Variants in SHC2 observed in about 807,000 individuals in gnomAD.
SHC2 encodes SHC adaptor protein 2.
A neutral mutation model predicts 60.6 loss-of-function variants in SHC2; 62 were observed. The observed-to-expected ratio is 1.02, with a 90% CI of 0.83 to 1.26. The LOEUF is 1.26. SHC2 is among the 50% of genes most tolerant of loss of function. The pLI is 0.00. For synonymous variants in SHC2, 375 were observed against 372.4 expected, an observed-to-expected ratio of 1.01 and a Z score of -0.08; for missense variants, 873 against 822.2, an observed-to-expected ratio of 1.06 and a Z score of -0.76.
rs200445811 is a variant in SHC2 at position 425,250 on chromosome 19, G to C, written c.1175-19C>G. ...GGTGGAGCTGGGGAGTGTAAAGAGG[G>C]GCAGGGGGTCAGCTGGGAGCCAGGC... On this transcript the variant is annotated intron_variant, in intron 9 of 12. Transcript: ENST00000264554. The surrounding 1 kb of genome is among the most constrained non-coding windows in gnomAD (Gnocchi z 4.1). The C allele has an allele frequency of 1.2e-3, 1,586 of 1,316,242 alleles. 17 individuals are homozygous for C. In the African/African-American group the frequency reaches 0.021, roughly 17 times the overall value. 81.5% of individuals were successfully genotyped at this position (1,316,242 alleles called of 1,614,324 possible).
chr19:443,153 AATGG>A (rs1292487703), intron 1 of SHC2, among the ~76,000 whole-genome samples: 1 of 94,002 alleles, frequency 1.1e-5, no homozygotes, highest in Admixed American at 1.0e-4. Flanking sequence ...TGGGTGGATG[AATGG>A]ATGGATGGAT....
chr19:437,217 C>T (rs1395903611), intron 4 of SHC2, among the ~76,000 whole-genome samples: 1 of 151,066 alleles, frequency 6.6e-6, no homozygotes, highest in Non-Finnish European at 1.5e-5. Flanking sequence ...TTTGCGTGGT[C>T]ATCTGCGTGC....
At chr19:449,355 G>C (rs1014544748) in intron 1 of SHC2, among the ~76,000 whole-genome samples, 1 of 150,810 alleles carries the variant, frequency 6.6e-6, no homozygotes, top group African/African-American at 2.4e-5. Context: ...GCGAGATCCT[G>C]TCTCAAAAAA....
intron 1 of SHC2, among the ~76,000 whole-genome samples, chr19:449,205 C>G (rs754851302): frequency 6.6e-6 from 1 of 151,608 alleles, no homozygotes; most frequent in Non-Finnish European, 1.5e-5. Flanking sequence ...ATTAGCTGGG[C>G]GTGGTGGCAC....
intron 1 of SHC2, among the ~76,000 whole-genome samples, chr19:442,279 TGATGGATGGATGGGTAGATG>T (rs961531359): frequency 7.5e-5 from 11 of 147,180 alleles, no homozygotes; most frequent in African/African-American, 2.8e-4. Context: ...GGTGAGTGGA[TGATGGATGGATGGGTAGATG>T]GATGGACAGG....
At chr19:430,238 A>G (rs1278513433) in intron 9 of SHC2, among the ~76,000 whole-genome samples, 2 of 151,644 alleles carry the variant, frequency 1.3e-5, no homozygotes, top group African/African-American at 4.9e-5. Flanking sequence ...TGTATATCCA[A>G]CGTGCACGGA....
In SHC2 at chr19:434,612, C is replaced by A. The variant is rs534199576; in HGVS notation, c.1110+97G>T. On this transcript the variant is annotated intron_variant, in intron 8 of 12. Transcript: ENST00000264554. The stretch of plus-strand genomic sequence containing the variant: ...TGAGTGAGAGACCCTCCTCTAGGAT[C>A]GAGGAGAACAGGAGCAGAAAGAAGA... 15 of 1,032,906 alleles carry A rather than the reference C, an allele frequency of 1.5e-5. No individual in the cohort carries two copies. In the Admixed American group the frequency reaches 3.4e-4, roughly 23 times the overall value. 64.0% of individuals were successfully genotyped at this position (1,032,906 alleles called of 1,614,324 possible). A position where few individuals can be genotyped will look rare whatever the true frequency, so the allele number is the denominator to read the frequency against.
rs1190303586 is a variant in SHC2, at chr19:438,114, G to A, written c.720+604C>T. ...TTCTCCTGCCTCAGCCTCCCAAGTA[G>A]CTGGGATTACAGGCGCCCACCACCA... On this transcript the variant is annotated intron_variant, in intron 4 of 12. Coordinates refer to ENST00000264554, the MANE Select transcript of SHC2 (RefSeq NM_012435.3). This position sits in a 1 kb window ranked among gnomAD's most constrained non-coding sequence, Gnocchi z 5.0. Among the ~76,000 whole-genome samples the A allele has an allele frequency of 6.6e-6, 1 of 152,116 alleles. No homozygotes were observed. Among genetic ancestry groups the A allele is most frequent in the Non-Finnish European group, 1.5e-5 (1 of 68,024 alleles).
chr19:457,127 A>G (rs112244019), intron 1 of SHC2, among the ~76,000 whole-genome samples: 1 of 82,566 alleles, frequency 1.2e-5, no homozygotes, highest in African/African-American at 5.3e-5. Flanking sequence ...CTGTGCCCCG[A>G]CTAGAACTCT....
intron 1 of SHC2, among the ~76,000 whole-genome samples, chr19:452,048 C>T (rs933728962): frequency 6.6e-6 from 1 of 152,242 alleles, no homozygotes; most frequent in African/African-American, 2.4e-5. Context: ...GCCTTTGTGG[C>T]GGCCTCTGTG....
At chr19:429,681 A>G (rs35467290) in intron 9 of SHC2, among the ~76,000 whole-genome samples, 1 of 141,246 alleles carries the variant, frequency 7.1e-6, no homozygotes, top group Non-Finnish European at 1.5e-5. Flanking sequence ...TGGATGACGC[A>G]GTACCTATAC....
chr19:435,493 C>T (rs76965836), intron 7 of SHC2, among the ~76,000 whole-genome samples: 4,551 of 152,318 alleles, frequency 0.03, 217 homozygotes, highest in East Asian at 0.2. Flanking sequence ...CGTGCGATGC[C>T]GCCTCCCTCG....
Position 457,460 on chromosome 19 carries a change from G to A in SHC2, c.468+3069C>T, listed in dbSNP as rs182074252. On this transcript the variant is annotated intron_variant, in intron 1 of 12. Transcript: ENST00000264554. ...TCAAGGTCGCCTCCTGGGAGGGGCA[G>A]CCGCCCAGCCTCCTGCTCTAATATC... is the stretch of plus-strand genomic sequence containing the variant. 2.0e-4 allele frequency among the ~76,000 whole-genome samples: 29 copies of A among 143,318 alleles called. No homozygotes were observed. The East Asian group carries it at 4.7e-3, about 23-fold the overall frequency. 94.0% of individuals were successfully genotyped at this position (143,318 alleles called of 152,430 possible).
chr19:422,642 G>A lies in SHC2; in HGVS notation c.1310-186C>T, dbSNP rs1974309894. The A allele has an allele frequency of 1.8e-6, 1 of 570,770 alleles. No homozygotes were observed. The highest frequency in any genetic ancestry group is 3.1e-6 in the Non-Finnish European group (1 of 325,928). The allele number at this position is 570,770 out of a possible 1,614,324, so 35.4% of individuals were successfully genotyped here. A position where few individuals can be genotyped will look rare whatever the true frequency, so the allele number is the denominator to read the frequency against. On this transcript the variant is annotated intron_variant, in intron 10 of 12. Coordinates refer to ENST00000264554, the MANE Select transcript of SHC2 (RefSeq NM_012435.3). The surrounding 1 kb of genome is among the most constrained non-coding windows in gnomAD (Gnocchi z 5.0). The stretch of plus-strand genomic sequence containing the variant: ...CCCCGTGCGTGCGGTGGGCTCACAT[G>A]TGTAGCAACCTGGACTCCCCAGGTT...
At chr19:437,333 T>G (rs974881081) in intron 4 of SHC2, among the ~76,000 whole-genome samples, 7 of 152,126 alleles carry the variant, frequency 4.6e-5, no homozygotes, top group African/African-American at 1.7e-4. Context: ...CTCATCTGCG[T>G]GCTTGTTTGC....
chr19:421,086 AAG>A (rs931231641), intron 11 of SHC2, among the ~76,000 whole-genome samples: 1 of 142,250 alleles, frequency 7.0e-6, no homozygotes, highest in African/African-American at 2.6e-5. Context: ...GAAGAAAGAA[AAG>A]AGAGAGAGAG....
chr19:442,480 T>C (rs1600305331), intron 1 of SHC2, among the ~76,000 whole-genome samples: 2 of 99,332 alleles, frequency 2.0e-5, no homozygotes, highest in Non-Finnish European at 1.9e-5. Context: ...GATGGGTGGG[T>C]GGATGGGTGG....
chr19:454,761 G>A (rs1238728746), intron 1 of SHC2, among the ~76,000 whole-genome samples: 1 of 151,470 alleles, frequency 6.6e-6, no homozygotes, highest in African/African-American at 2.4e-5. Context: ...CGGCACTCCA[G>A]CCTCAGCAAC....
chr19:446,917 C>T lies in SHC2; in HGVS notation c.469-5985G>A, dbSNP rs1389463438. Among the ~76,000 whole-genome samples, 1 of 152,258 alleles carries T rather than the reference C, an allele frequency of 6.6e-6. No homozygotes were observed. The highest frequency in any genetic ancestry group is 1.5e-5 in the Non-Finnish European group (1 of 68,008). Reference sequence around the variant, plus strand: ...TGCACTCCCAGCCTGGGAGACCGTCCGAGTCTCCGCCACCGCCCACGCCAG... The same window carrying T: ...TGCACTCCCAGCCTGGGAGACCGTCTGAGTCTCCGCCACCGCCCACGCCAG... On this transcript the variant is annotated intron_variant, in intron 1 of 12. Transcript: ENST00000264554. The surrounding 1 kb of genome is among the most constrained non-coding windows in gnomAD (Gnocchi z 5.4).
Sources: gnomAD v4.1 joint callset for allele counts (sites outside exome capture counted in the v4.1 genomes callset) on GRCh38, gnomAD v4.1.1 for gene constraint, Gnocchi (gnomAD v3.1) non-coding constraint, MANE v1.5 for transcripts, NCBI Gene and HGNC (gene_info 2026-07-23, HGNC 2026-07-21) for gene names.